RORA: variants seen among roughly 807,000 people sequenced by gnomAD.
RORA encodes the protein RAR related orphan receptor A, also known as nuclear receptor ROR-alpha.
RORA carries 7 observed loss-of-function variants against 69.5 expected under a neutral mutation model. That is an observed-to-expected ratio of 0.10 (90% confidence interval 0.06 to 0.19). The LOEUF is 0.19. RORA is among the 10% of genes least tolerant of loss of function. The pLI, the probability that RORA is intolerant of heterozygous loss-of-function variation, is 1.00. For missense variants in RORA, 457 were observed against 663.0 expected, an observed-to-expected ratio of 0.69 and a Z score of 3.41; for synonymous variants, 261 against 240.8, an observed-to-expected ratio of 1.08 and a Z score of -0.78.
At chr15:60,831,120 T>C (rs1395097343) in intron 1 of RORA, among the ~76,000 whole-genome samples, 1 of 152,208 alleles carries the variant, frequency 6.6e-6, no homozygotes, top group Non-Finnish European at 1.5e-5. Flanking sequence ...ATAAGCTGTG[T>C]CTTCCGCTCT....
At chr15:60,499,520 G>A (rs1057448671) in intron 10 of RORA, among the ~76,000 whole-genome samples, 14 of 152,258 alleles carry the variant, frequency 9.2e-5, no homozygotes, top group East Asian at 1.9e-4. Flanking sequence ...CCTGGGAGAC[G>A]GAGTGAGACC....
intron 2 of RORA, among the ~76,000 whole-genome samples, chr15:60,547,004 C>T (rs548585567): frequency 3.3e-5 from 5 of 152,130 alleles, no homozygotes; most frequent in Non-Finnish European, 5.9e-5. Context: ...AAGATGTGTA[C>T]GATCAACAGT....
intron 1 of RORA, among the ~76,000 whole-genome samples, chr15:61,180,602 T>C (rs971263273): frequency 1.3e-5 from 2 of 152,230 alleles, no homozygotes; most frequent in African/African-American, 4.8e-5. Flanking sequence ...AATTCTTCTT[T>C]TAAAGAGACA....
At chr15:61,188,938 G>GC (rs1467217863) in intron 1 of RORA, among the ~76,000 whole-genome samples, 1 of 152,130 alleles carries the variant, frequency 6.6e-6, no homozygotes, top group Non-Finnish European at 1.5e-5. Flanking sequence ...AACTAATATT[G>GC]CAAGTACTCA....
chr15:61,023,403 C>T (rs1895644246), intron 1 of RORA, among the ~76,000 whole-genome samples: 1 of 152,082 alleles, frequency 6.6e-6, no homozygotes, highest in South Asian at 2.1e-4. Flanking sequence ...AGCAGAAAGT[C>T]CTGATAAACC....
intron 1 of RORA, among the ~76,000 whole-genome samples, chr15:60,795,112 C>A (rs1329762142): frequency 6.6e-6 from 1 of 152,066 alleles, no homozygotes; most frequent in Non-Finnish European, 1.5e-5. Flanking sequence ...ATCAGGTATC[C>A]AAAATCCCCA....
chr15:61,090,276 G>C (rs2140704772), intron 1 of RORA, among the ~76,000 whole-genome samples: 1 of 152,240 alleles, frequency 6.6e-6, no homozygotes, highest in East Asian at 1.9e-4. Flanking sequence ...TAAGAGATCT[G>C]AATCAACTAG....
chr15:60,773,577 A>C (rs542750001), intron 1 of RORA, among the ~76,000 whole-genome samples: 4 of 152,338 alleles, frequency 2.6e-5, no homozygotes, highest in African/African-American at 9.6e-5. Context: ...TACCCCGATA[A>C]CTATTAAGTC....
At chr15:60,993,421 C>G (rs896401328) in intron 1 of RORA, among the ~76,000 whole-genome samples, 2 of 151,926 alleles carry the variant, frequency 1.3e-5, no homozygotes, top group African/African-American at 4.8e-5. Context: ...GGTGGATTAC[C>G]TGAGGTCAGG....
intron 1 of RORA, among the ~76,000 whole-genome samples, chr15:61,157,864 G>A (rs572459865): frequency 2.9e-4 from 44 of 152,214 alleles, no homozygotes; most frequent in African/African-American, 8.7e-4. Flanking sequence ...TGGGATAATC[G>A]CCCCATCCCT....
intron 2 of RORA, among the ~76,000 whole-genome samples, chr15:60,568,650 G>C (rs1378517537): frequency 6.6e-6 from 1 of 152,216 alleles, no homozygotes; most frequent in African/African-American, 2.4e-5. Context: ...GAACACATCA[G>C]ACCAAAGTCC....
chr15:61,223,586 C>T (rs2080118788), intron 1 of RORA, among the ~76,000 whole-genome samples: 1 of 152,184 alleles, frequency 6.6e-6, no homozygotes, highest in South Asian at 2.1e-4. Context: ...ATCTCTGACA[C>T]TGTGTCCATT....
In RORA at chr15:61,187,363, A is replaced by ATT. The variant is rs546416007; in HGVS notation, c.166+41688_166+41689dup. On this transcript the variant is annotated intron_variant, in intron 1 of 10. Coordinates refer to ENST00000335670, the MANE Select transcript of RORA (RefSeq NM_134261.3). ...ATGCCTTTCTGCAGAGTTCCGGACTATTAATGGCATGACAAAGAGACTCGG... is the reference window on the plus strand; with the variant it reads ...ATGCCTTTCTGCAGAGTTCCGGACTATTTTAATGGCATGACAAAGAGACTCGG... 3.9e-4 allele frequency among the ~76,000 whole-genome samples: 60 copies of ATT among 152,368 alleles called. 1 individual carries two copies. The highest frequency in any genetic ancestry group is 1.4e-3 in the African/African-American group (58 of 41,596).
intron 1 of RORA, among the ~76,000 whole-genome samples, chr15:61,091,140 G>C (rs1489548284): frequency 1.3e-5 from 2 of 152,146 alleles, no homozygotes; most frequent in Non-Finnish European, 2.9e-5. Context: ...TTGTATCCGA[G>C]CCATGCCAAA....
At chr15:61,000,257 T>C (rs1377150787) in intron 1 of RORA, among the ~76,000 whole-genome samples, 2 of 152,218 alleles carry the variant, frequency 1.3e-5, no homozygotes, top group Non-Finnish European at 2.9e-5. Flanking sequence ...AAATGTTCAT[T>C]ATACTAAACC....
chr15:60,576,324 A>T (rs1013943896), intron 2 of RORA, among the ~76,000 whole-genome samples: 4 of 152,154 alleles, frequency 2.6e-5, no homozygotes, highest in Non-Finnish European at 5.9e-5. Context: ...CAGAAGCAAG[A>T]CCCTGGAAAT....
chr15:60,965,886 T>C lies in RORA; in HGVS notation c.166+263167A>G, dbSNP rs147942236. Among the ~76,000 whole-genome samples the C allele has an allele frequency of 1.2e-4, 19 of 152,272 alleles. 1 individual carries two copies. In the South Asian group the frequency reaches 1.7e-3, roughly 13 times the overall value. On this transcript the variant is annotated intron_variant, in intron 1 of 10. Transcript: ENST00000335670. ...CCCAATCAGGCCAGTCCATTCCCTG[T>C]CCATGTGCTAGAATTTTAATATATA...
chr15:61,156,058 C>T (rs78599613), intron 1 of RORA, among the ~76,000 whole-genome samples: 3,703 of 152,092 alleles, frequency 0.024, 80 homozygotes, highest in African/African-American at 0.059. Context: ...GAAGATAGTC[C>T]CTGAAATTTT....
At chr15:61,100,265 C>T (rs935146558) in intron 1 of RORA, among the ~76,000 whole-genome samples, 7 of 151,854 alleles carry the variant, frequency 4.6e-5, no homozygotes, top group Non-Finnish European at 7.4e-5. Flanking sequence ...ATTACAGGCA[C>T]GTGTCACCAG....
Sources: allele counts gnomAD v4.1 joint callset (sites outside exome capture counted in the v4.1 genomes callset), GRCh38; gene constraint gnomAD v4.1.1; transcripts MANE v1.5; gene names NCBI Gene and HGNC (gene_info 2026-07-23, HGNC 2026-07-21).